Variants in TOM1 observed in about 807,000 individuals in gnomAD.
TOM1 encodes target of Myb protein 1.
Under a neutral mutation model 61.3 loss-of-function variants are expected in TOM1, and 38 were observed. The observed-to-expected ratio is 0.62, with a 90% confidence interval of 0.48 to 0.81. The LOEUF (loss-of-function observed/expected upper bound fraction) is 0.81, where lower values mean the gene tolerates loss of function less well. Among genes scored for constraint, TOM1 ranks in the 40% least tolerant of loss-of-function variants. TOM1 has a pLI of 0.00. For missense variants in TOM1, 591 were observed against 659.6 expected (o/e 0.90, Z 1.14); for synonymous variants, 270 against 268.8 (o/e 1.00, Z -0.04).
At chr22:35,331,120 C>T (rs1159181842) in intron 8 of TOM1, among the ~76,000 whole-genome samples, 12 of 142,820 alleles carry the variant, frequency 8.4e-5, no homozygotes, top group African/African-American at 2.9e-4. Context: ...TTTTGAGGCA[C>T]GATCTTGCTC....
chr22:35,303,421 C>T (rs1352320187), intron 1 of TOM1, among the ~76,000 whole-genome samples: 1 of 152,032 alleles, frequency 6.6e-6, no homozygotes, highest in African/African-American at 2.4e-5. Context: ...ACAAGATAGT[C>T]CTCTGAGAGT....
intron 1 of TOM1, among the ~76,000 whole-genome samples, chr22:35,312,734 T>C (rs1374190473): frequency 6.6e-6 from 1 of 152,174 alleles, no homozygotes; most frequent in African/African-American, 2.4e-5. Flanking sequence ...GAATGAGGAA[T>C]GGCATTGCAG....
chr22:35,323,438 G>T lies in TOM1; in HGVS notation c.367-58G>T. 6.3e-7 allele frequency: 1 copy of T among 1,591,264 alleles called. No individual in the cohort carries two copies. On this transcript the variant is annotated intron_variant, in intron 4 of 14. Coordinates refer to ENST00000449058, the MANE Select transcript of TOM1 (RefSeq NM_005488.3). This position sits in a 1 kb window ranked among gnomAD's most constrained non-coding sequence, Gnocchi z 4.2. Reference sequence around the variant, plus strand: ...TGTCTGTTCTCTGTCTGAGTGCCAGGTGGGCAGGCTCACAGGTGAGCTGTG... The same window carrying T: ...TGTCTGTTCTCTGTCTGAGTGCCAGTTGGGCAGGCTCACAGGTGAGCTGTG...
At chr22:35,299,661 A>G (rs1260450747), upstream of TOM1, 3 of 507,374 alleles carry the variant, frequency 5.9e-6, no homozygotes, top group East Asian at 1.1e-4. Flanking sequence ...CGTGGCTTAA[A>G]GAGGACCGCG....
chr22:35,312,222 C>T (rs1056134406), intron 1 of TOM1, among the ~76,000 whole-genome samples: 4 of 146,770 alleles, frequency 2.7e-5, no homozygotes, highest in South Asian at 2.1e-4. Context: ...CCAGCCTGGG[C>T]GACAGAACAA....
At chr22:35,299,811 T>C, upstream of TOM1, 1 of 1,216,336 alleles carries the variant, frequency 8.2e-7, no homozygotes, top group Non-Finnish European at 1.2e-6. Context: ...AGCTTCGCGG[T>C]GCCACCGCCC....
upstream of TOM1, chr22:35,299,795 T>C: frequency 2.0e-6 from 2 of 983,830 alleles, no homozygotes; most frequent in Non-Finnish European, 3.0e-6. Flanking sequence ...GCGGGGCTTG[T>C]GGTCGAGCTT....
intron 1 of TOM1, among the ~76,000 whole-genome samples, chr22:35,312,088 A>G (rs976124287): frequency 2.0e-5 from 3 of 152,070 alleles, no homozygotes; most frequent in East Asian, 3.9e-4. Context: ...CCTCATCTCT[A>G]CTAAAAATAC....
rs558889313 is a variant in TOM1 at position 35,324,950 on chromosome 22, G to A, written c.648+1036G>A. Among the ~76,000 whole-genome samples the A allele has an allele frequency of 3.9e-5, 6 of 152,244 alleles. No individual in the cohort carries two copies. The East Asian group carries it at 1.2e-3, about 29-fold the overall frequency. ...CCACCTCAGAGCAGGTGGCACCCTG[G>A]GCATGTCACTTCCTTCCTCCTCATG... On this transcript the variant is annotated intron_variant, in intron 6 of 14. Transcript: ENST00000449058.
chr22:35,325,341 GT>G (rs1033104785), intron 6 of TOM1, among the ~76,000 whole-genome samples: 12 of 152,282 alleles, frequency 7.9e-5, no homozygotes, highest in South Asian at 2.1e-4. Context: ...TCCATGATTT[GT>G]TTTCTCATAG....
chr22:35,321,762 CA>C lies in TOM1; in HGVS notation c.138-196del, dbSNP rs1186209881. On this transcript the variant is annotated intron_variant, in intron 2 of 14. Coordinates refer to ENST00000449058, the MANE Select transcript of TOM1 (RefSeq NM_005488.3). ...CAAAGTGACTCTGCTGCTGGAGGTC[CA>C]GGGGCCACAGGTTGTGAGTCCCTGC... 8 of 704,088 alleles carry C rather than the reference CA, an allele frequency of 1.1e-5. No individual in the cohort carries two copies. The East Asian group carries it at 2.2e-4, about 20-fold the overall frequency. The allele number at this position is 704,088 out of a possible 1,614,324, so 43.6% of individuals were successfully genotyped here.
intron 6 of TOM1, among the ~76,000 whole-genome samples, chr22:35,326,990 A>G (rs1416102856): frequency 3.3e-5 from 5 of 152,164 alleles, no homozygotes; most frequent in African/African-American, 1.2e-4. Flanking sequence ...TGTTAGACCC[A>G]GGAGATGCTG....
At chr22:35,329,117 G>A (rs747645107) in intron 7 of TOM1, among the ~76,000 whole-genome samples, 10 of 152,150 alleles carry the variant, frequency 6.6e-5, no homozygotes, top group Non-Finnish European at 1.3e-4. Flanking sequence ...CACCATGCCC[G>A]GCTAATTTTT....
chr22:35,300,906 C>T (rs76982037), intron 1 of TOM1, among the ~76,000 whole-genome samples: 1 of 42,780 alleles, frequency 2.3e-5, no homozygotes, highest in Admixed American at 3.2e-4. Flanking sequence ...TAAAAAAAAA[C>T]AGTTGTAATA....
chr22:35,337,182 C>T (rs765443157), intron 11 of TOM1, among the ~76,000 whole-genome samples: 8 of 152,286 alleles, frequency 5.3e-5, no homozygotes, highest in Non-Finnish European at 1.0e-4. Context: ...GTGATCCGCG[C>T]GCCTTGGCCT....
chr22:35,314,144 C>A, intron 1 of TOM1, among the ~76,000 whole-genome samples: 1 of 152,332 alleles, frequency 6.6e-6, no homozygotes, highest in Non-Finnish European at 1.5e-5. Flanking sequence ...TCACCGCAAT[C>A]CTGTTGTCCA....
Position 35,347,489 on chromosome 22 carries a change from A to AGGCT in TOM1, c.*298_*301dup, listed in dbSNP as rs750107231. 5.4e-5 allele frequency: 18 copies of AGGCT among 331,716 alleles called. No individual in the cohort carries two copies. Among genetic ancestry groups the AGGCT allele is most frequent in the Non-Finnish European group, 8.8e-5 (16 of 182,302 alleles). 20.5% of individuals were successfully genotyped at this position (331,716 alleles called of 1,614,324 possible). ...TGCTGAGAAGTGGAGGCCCCAGGAC[A>AGGCT]GGCTGGCTGGCTGGCTGGCTGCTTG... On this transcript the variant is annotated 3_prime_UTR_variant, in exon 15 of 15. Transcript: ENST00000449058.
At chr22:35,339,973 A>G (rs1056306998) in intron 12 of TOM1, among the ~76,000 whole-genome samples, 2 of 151,910 alleles carry the variant, frequency 1.3e-5, no homozygotes, top group African/African-American at 4.8e-5. Context: ...AATTCCGTTT[A>G]GTTCCTTGAC....
chr22:35,319,190 G>A (rs926078350), intron 2 of TOM1, among the ~76,000 whole-genome samples: 2 of 152,186 alleles, frequency 1.3e-5, no homozygotes, highest in African/African-American at 4.8e-5. Flanking sequence ...GAGCTTCATG[G>A]ACGTCGCAGC....
Sources: gnomAD v4.1 joint callset for allele counts (sites outside exome capture counted in the v4.1 genomes callset) on GRCh38, gnomAD v4.1.1 for gene constraint, Gnocchi (gnomAD v3.1) non-coding constraint, MANE v1.5 for transcripts, NCBI Gene and HGNC (gene_info 2026-07-23, HGNC 2026-07-21) for gene names.